Variants in HMGCLL1 observed in about 807,000 individuals in gnomAD.
The protein encoded by HMGCLL1 is 3-hydroxy-3-methylglutaryl-CoA lyase like 1.
HMGCLL1 carries 36 observed loss-of-function variants against 39.1 expected under a neutral mutation model. That is an observed-to-expected ratio of 0.92 (90% CI 0.71 to 1.22). The LOEUF (loss-of-function observed/expected upper bound fraction) is 1.22. HMGCLL1 is among the 50% of genes most tolerant of loss of function. The probability of loss-of-function intolerance (pLI) is 0.00; values close to 1 mark genes in which losing one functional copy is unlikely to be tolerated. For missense variants in HMGCLL1, 451 were observed against 416.5 expected (o/e 1.08, Z -0.72); for synonymous variants, 149 against 144.0 (o/e 1.03, Z -0.25).
chr6:55,503,923 C>T (rs1767024085), intron 5 of HMGCLL1, among the ~76,000 whole-genome samples: 1 of 151,684 alleles, frequency 6.6e-6, no homozygotes, highest in African/African-American at 2.4e-5. Context: ...AGAACCCTCT[C>T]CTAAGTGCTC....
chr6:55,478,858 T>C (rs1446284868), intron 7 of HMGCLL1, among the ~76,000 whole-genome samples: 1 of 151,456 alleles, frequency 6.6e-6, no homozygotes, highest in Non-Finnish European at 1.5e-5. Flanking sequence ...ACATCATTTT[T>C]TTTTTCATGG....
intron 2 of HMGCLL1, 41 bp downstream of exon 2, chr6:55,542,019 T>G (rs759518220): frequency 1.6e-6 from 2 of 1,260,028 alleles, no homozygotes; most frequent in Admixed American, 1.9e-5. Context: ...TTAAATTTAT[T>G]AATTTGTAGA....
chr6:55,543,638 G>A (rs1044837223), intron 1 of HMGCLL1, among the ~76,000 whole-genome samples: 3 of 144,142 alleles, frequency 2.1e-5, no homozygotes, highest in Non-Finnish European at 4.5e-5. Context: ...ATATTTGCTT[G>A]AGCCCAGGAG....
intron 7 of HMGCLL1, among the ~76,000 whole-genome samples, chr6:55,455,945 C>G (rs1429833927): frequency 6.6e-6 from 1 of 152,072 alleles, no homozygotes; most frequent in Admixed American, 6.5e-5. Flanking sequence ...TAAACATACC[C>G]AAATAAAATT....
the HMGCLL1 span, among the ~76,000 whole-genome samples, chr6:55,666,377 A>G: frequency 1.3e-5 from 2 of 151,686 alleles, no homozygotes; most frequent in Non-Finnish European, 1.5e-5. Flanking sequence ...AAGTTTCAGA[A>G]ATCAGTTACT....
At chr6:55,518,312 G>C (rs1349752546) in intron 3 of HMGCLL1, among the ~76,000 whole-genome samples, 1 of 152,120 alleles carries the variant, frequency 6.6e-6, no homozygotes, top group African/African-American at 2.4e-5. Flanking sequence ...ATGAATAAAG[G>C]TTGGTATGGC....
intron 7 of HMGCLL1, among the ~76,000 whole-genome samples, chr6:55,448,979 A>G (rs1294521427): frequency 1.3e-5 from 2 of 152,194 alleles, no homozygotes; most frequent in Admixed American, 6.5e-5. Flanking sequence ...TCTCAGAATG[A>G]TATCATCTAA....
intron 3 of HMGCLL1, among the ~76,000 whole-genome samples, chr6:55,520,064 C>A (rs1254956724): frequency 8.2e-6 from 1 of 121,922 alleles, no homozygotes; most frequent in Non-Finnish European, 1.6e-5. Flanking sequence ...CACATGGACA[C>A]AGGGAGGGGA....
chr6:55,465,044 A>G (rs1445896887), intron 7 of HMGCLL1, among the ~76,000 whole-genome samples: 1 of 152,184 alleles, frequency 6.6e-6, no homozygotes, highest in Non-Finnish European at 1.5e-5. Context: ...TGAACATTAT[A>G]TATCTAGTCA....
chr6:55,506,763 T>C lies in HMGCLL1; in HGVS notation c.542+7285A>G, dbSNP rs560994336. Among the ~76,000 whole-genome samples the C allele has an allele frequency of 2.0e-5, 3 of 151,676 alleles. No homozygotes were observed. The Admixed American group carries it at 2.0e-4, about 10-fold the overall frequency. On this transcript the variant is annotated intron_variant, in intron 5 of 8. Transcript: ENST00000274901. ...GACCCAAAGCCCAAAAATAGTGAGG[T>C]TGGCAACTTGGATACACCAAAAAGA...
chr6:55,639,384 C>T, the HMGCLL1 span, among the ~76,000 whole-genome samples: 661 of 150,238 alleles, frequency 4.4e-3, 4 homozygotes, highest in African/African-American at 0.015. Flanking sequence ...ATTTATTGAA[C>T]GTCTACTAGA....
At chr6:55,620,490 T>C in the HMGCLL1 span, among the ~76,000 whole-genome samples, 5 of 152,172 alleles carry the variant, frequency 3.3e-5, no homozygotes, top group Admixed American at 3.3e-4. Context: ...TTATATCTTC[T>C]TTTGAGAAAT....
chr6:55,579,928 C>T (rs1771942602), upstream of HMGCLL1, among the ~76,000 whole-genome samples: 2 of 152,166 alleles, frequency 1.3e-5, no homozygotes, highest in South Asian at 4.1e-4. Context: ...CCCTCACTTT[C>T]ACATGTAAAC....
At chr6:55,549,468 C>T (rs922288254) in intron 1 of HMGCLL1, among the ~76,000 whole-genome samples, 1 of 151,198 alleles carries the variant, frequency 6.6e-6, no homozygotes, top group Non-Finnish European at 1.5e-5. Flanking sequence ...CAAGTTTCCT[C>T]ATGGAAATAT....
intron 1 of HMGCLL1, among the ~76,000 whole-genome samples, chr6:55,547,034 C>T (rs1027394614): frequency 6.6e-6 from 1 of 151,972 alleles, no homozygotes; most frequent in Admixed American, 6.6e-5. Flanking sequence ...ATCTGCGTTT[C>T]ATCTGTGAAG....
chr6:55,572,088 A>T (rs1771525490), intron 1 of HMGCLL1, among the ~76,000 whole-genome samples: 1 of 152,170 alleles, frequency 6.6e-6, no homozygotes, highest in Non-Finnish European at 1.5e-5. Flanking sequence ...CATATGCATA[A>T]GCACATACAA....
At chr6:55,646,167 C>T in the HMGCLL1 span, among the ~76,000 whole-genome samples, 136 of 151,830 alleles carry the variant, frequency 9.0e-4, 6 homozygotes, top group South Asian at 0.027. Context: ...CTAGATATTC[C>T]AACTTATTGG....
intron 5 of HMGCLL1, among the ~76,000 whole-genome samples, chr6:55,500,792 G>A (rs1180871347): frequency 6.6e-6 from 1 of 151,882 alleles, no homozygotes; most frequent in Non-Finnish European, 1.5e-5. Flanking sequence ...GGTGGCTAAG[G>A]ATGGAAAAGG....
intron 3 of HMGCLL1, among the ~76,000 whole-genome samples, chr6:55,522,475 A>G (rs532937392): frequency 1.4e-4 from 21 of 151,976 alleles, no homozygotes; most frequent in Non-Finnish European, 2.6e-4. Flanking sequence ...GATGTTCAAT[A>G]AAGTGAAATA....
Sources: gnomAD v4.1 joint callset for allele counts (sites outside exome capture counted in the v4.1 genomes callset) on GRCh38, gnomAD v4.1.1 for gene constraint, MANE v1.5 for transcripts, NCBI Gene and HGNC (gene_info 2026-07-23, HGNC 2026-07-21) for gene names.